Variants in BRCA2 observed in about 807,000 individuals in gnomAD.
BRCA2 encodes breast cancer type 2 susceptibility protein.
Under a neutral mutation model 276.7 loss-of-function variants are expected in BRCA2, and 203 were observed. The ratio of observed to expected loss-of-function variants is 0.73; its 90% CI spans 0.65 to 0.82. BRCA2 has a LOEUF of 0.82. BRCA2 is among the 40% of genes least tolerant of loss of function. The pLI is 0.00. For synonymous variants in BRCA2, 1,289 were observed against 1,338.4 expected, an observed-to-expected ratio of 0.96 and a Z score of 0.81; for missense variants, 3,920 against 3,915.0, an observed-to-expected ratio of 1.00 and a Z score of -0.03.
chr13:32,348,306 C>A (rs961240584), intron 13 of BRCA2, among the ~76,000 whole-genome samples: 17 of 141,600 alleles, frequency 1.2e-4, no homozygotes, highest in South Asian at 2.6e-4. Flanking sequence ...AAAAGTTCTA[C>A]TAGTACTGAA....
rs190385846 is a variant in BRCA2 at position 32,378,036 on chromosome 13, G to A, written c.8754+1245G>A. On this transcript the variant is annotated intron_variant, in intron 21 of 26. Coordinates refer to ENST00000380152, the MANE Select transcript of BRCA2 (RefSeq NM_000059.4). ...TTTAAAACCTGTGAGTATACTTGCTGCAGGTCTGAAAATGAAGGCTTTATG... is the reference window on the plus strand; with the variant it reads ...TTTAAAACCTGTGAGTATACTTGCTACAGGTCTGAAAATGAAGGCTTTATG... Among the ~76,000 whole-genome samples, 5 of 152,318 alleles carry A rather than the reference G, an allele frequency of 3.3e-5. No homozygotes were observed. In the East Asian group the frequency reaches 9.6e-4, roughly 29 times the overall value.
At chr13:32,364,557 G>A (rs547844143) in intron 18 of BRCA2, among the ~76,000 whole-genome samples, 17 of 151,982 alleles carry the variant, frequency 1.1e-4, no homozygotes, top group African/African-American at 3.9e-4. Context: ...AGTGAAATCT[G>A]TATTCAGTGT....
rs1060504598 is a variant in BRCA2 at position 32,339,965 on chromosome 13, C to G, written c.5610C>G (p.Phe1870Leu). The change falls in exon 11 of 27, where the codon TTC becomes TTG. Residue 1870 changes from phenylalanine to leucine, a missense_variant. By Grantham distance (22) the Phe-to-Leu change is conservative. Transcript: ENST00000380152. Reference protein sequence around the residue: ...KKVKDIFTDSFSKVIKENNEN... With the variant: ...KKVKDIFTDSLSKVIKENNEN... The stretch of plus-strand genomic sequence containing the variant: ...TGAAAGACATATTTACAGACAGTTT[C>G]AGTAAAGTAATTAAGGAAAACAACG... 1.9e-6 allele frequency: 3 copies of G among 1,610,396 alleles called. No homozygotes were observed. The highest frequency in any genetic ancestry group is 2.5e-6 in the Non-Finnish European group (3 of 1,178,694).
chr13:32,394,694 G>T lies in BRCA2; in HGVS notation c.9262G>T (p.Ala3088Ser), dbSNP rs730881569. Reference protein sequence around the residue: ...VVSVVKKTGLAPFVYLSDECY... With the variant: ...VVSVVKKTGLSPFVYLSDECY... ...TTCTTTTTTTTCCATTCTAGGACTT[G>T]CCCCTTTCGTCTATTTGTCAGACGA... Residue 3088 changes from alanine to serine, a missense_variant, in exon 25 of 27, where the codon GCC becomes TCC. Around this residue, in one of 2 missense-constraint regions of BRCA2, gnomAD observed 657 missense variants for 758.2 expected, o/e 0.87. Coordinates refer to ENST00000380152, the MANE Select transcript of BRCA2 (RefSeq NM_000059.4). The T allele has an allele frequency of 1.2e-6, 2 of 1,612,820 alleles. No individual in the cohort carries two copies. Among genetic ancestry groups the T allele is most frequent in the South Asian group, 1.1e-5 (1 of 90,910 alleles).
At chr13:32,353,432 G>A (rs1395455574) in intron 13 of BRCA2, among the ~76,000 whole-genome samples, 2 of 151,720 alleles carry the variant, frequency 1.3e-5, no homozygotes, top group Non-Finnish European at 2.9e-5. Flanking sequence ...TCTTTACTCA[G>A]AACTATTCCG....
intron 16 of BRCA2, among the ~76,000 whole-genome samples, chr13:32,362,165 G>A (rs1216608538): frequency 6.6e-6 from 1 of 152,056 alleles, no homozygotes; most frequent in African/African-American, 2.4e-5. Flanking sequence ...TGGGACCACA[G>A]ATGTGAGCTA....
chr13:32,372,676 A>G (rs908531150), intron 20 of BRCA2, among the ~76,000 whole-genome samples: 39 of 152,134 alleles, frequency 2.6e-4, no homozygotes, highest in African/African-American at 8.9e-4. Flanking sequence ...GAGCCAAACC[A>G]TATCATTCTG....
Position 32,398,496 on chromosome 13 carries a change from T to G in BRCA2, c.9983T>G (p.Phe3328Cys), listed in dbSNP as rs770826575. 1.2e-6 allele frequency: 2 copies of G among 1,614,022 alleles called. No individual in the cohort carries two copies. The highest frequency in any genetic ancestry group is 2.2e-5 in the East Asian group (1 of 44,906). The change falls in exon 27 of 27, where the codon TTC (phenylalanine) becomes TGC (cysteine). Residue 3328 changes from phenylalanine to cysteine, a missense_variant. Coordinates refer to ENST00000380152, the MANE Select transcript of BRCA2 (RefSeq NM_000059.4). ...CCTCAGATGACTCCATTTAAAAAAT[T>G]CAATGAAATTTCTCTTTTGGAAAGT... ...NSPQMTPFKK[F>C]NEISLLESNS...
intron 13 of BRCA2, among the ~76,000 whole-genome samples, chr13:32,351,908 T>C (rs974587682): frequency 6.6e-6 from 1 of 152,166 alleles, no homozygotes; most frequent in Non-Finnish European, 1.5e-5. Context: ...TTCAAGCGAC[T>C]CTCCTGCTTC....
rs2137673661 is a variant in BRCA2, at chr13:32,400,243, CA to C, written c.*1475del. ...ATCTAATTATAAATACGTTTAAAGC[CA>C]AGAATAAATCTTTTAAAAAATTGAC... On this transcript the variant is annotated 3_prime_UTR_variant, in exon 27 of 27. Coordinates refer to ENST00000380152, the MANE Select transcript of BRCA2 (RefSeq NM_000059.4). The C allele has an allele frequency of 6.6e-6, 1 of 152,158 alleles. No individual in the cohort carries two copies. Among genetic ancestry groups the C allele is most frequent in the East Asian group, 1.9e-4 (1 of 5,176 alleles). 9.4% of individuals were successfully genotyped at this position (152,158 alleles called of 1,614,324 possible).
chr13:32,327,692 G>A (rs928390366), intron 7 of BRCA2, among the ~76,000 whole-genome samples: 3 of 150,078 alleles, frequency 2.0e-5, no homozygotes, highest in Admixed American at 6.6e-5. Flanking sequence ...AAAAAATCCT[G>A]TTATAAAACT....
At chr13:32,331,146 C>A in intron 9 of BRCA2, 116 bp downstream of exon 9, 1 of 734,974 alleles carries the variant, frequency 1.4e-6, no homozygotes, top group Non-Finnish European at 2.4e-6. Context: ...GCAACCTCTG[C>A]CTCCCGTGCT....
rs397507417 is a variant in BRCA2, at chr13:32,379,815, A to G, written c.9019A>G (p.Arg3007Gly). 3 of 1,612,614 alleles carry G rather than the reference A, an allele frequency of 1.9e-6. No individual in the cohort carries two copies. The highest frequency in any genetic ancestry group is 2.5e-6 in the Non-Finnish European group (3 of 1,178,628). ...TCTGTTAACAGAAGGAAAGAGATAC[A>G]GAATTTATCATCTTGCAACTTCAAA... ...YSLLTEGKRY[R>G]IYHLATSKSK... is the part of the protein sequence containing the mutation. The change falls in exon 23 of 27, where the codon AGA (arginine) becomes GGA (glycine). Residue 3007 changes from arginine to glycine, a missense_variant. Arg to Gly is a moderately radical substitution (Grantham distance 125). Coordinates refer to ENST00000380152, the MANE Select transcript of BRCA2 (RefSeq NM_000059.4).
At chr13:32,382,940 A>G (rs1593194816) in intron 24 of BRCA2, among the ~76,000 whole-genome samples, 1 of 152,214 alleles carries the variant, frequency 6.6e-6, no homozygotes, top group Non-Finnish European at 1.5e-5. Context: ...ACAGGAAAAA[A>G]GTAAAGTACG....
chr13:32,390,593 A>G (rs1439078956), intron 24 of BRCA2, among the ~76,000 whole-genome samples: 2 of 152,014 alleles, frequency 1.3e-5, no homozygotes, highest in South Asian at 2.1e-4. Context: ...AATTTGTCCT[A>G]TTCATTATTC....
rs876658912 is a variant in BRCA2 at position 32,326,111 on chromosome 13, C to T, written c.436C>T (p.Leu146=). 2 of 1,609,578 alleles carry T rather than the reference C, an allele frequency of 1.2e-6. No homozygotes were observed. Among genetic ancestry groups the T allele is most frequent in the Non-Finnish European group, 1.7e-6 (2 of 1,178,030 alleles). Residue 146 remains leucine (L), a synonymous_variant, in exon 5 of 27, where the codon CTA becomes TTA. Coordinates refer to ENST00000380152, the MANE Select transcript of BRCA2 (RefSeq NM_000059.4). The stretch of plus-strand genomic sequence containing the variant: ...TTTGTTTTATTTTAGTCCTGTTGTT[C>T]TACAATGTACACATGTAACACCACA... ...NSCLSESPVV[L]QCTHVTPQRD... is the part of the protein sequence containing the mutation.
At chr13:32,366,295 G>A (rs963421454) in intron 18 of BRCA2, among the ~76,000 whole-genome samples, 3 of 152,256 alleles carry the variant, frequency 2.0e-5, no homozygotes, top group Admixed American at 2.0e-4. Context: ...TAATCATATT[G>A]CTGGTGGTAG....
At position 32,338,837 on chromosome 13, in the gene BRCA2, T is replaced by C. The variant is rs761826517; in HGVS notation, c.4482T>C (p.Ser1494=). The C allele has an allele frequency of 1.9e-6, 3 of 1,613,734 alleles. No individual in the cohort carries two copies. Among genetic ancestry groups the C allele is most frequent in the East Asian group, 4.5e-5 (2 of 44,858 alleles). The change falls in exon 11 of 27, where the codon AGT becomes AGC. Residue 1494 remains serine, a synonymous_variant. Transcript: ENST00000380152. ...TTAAACACAAAATACTGAAAGAAAG[T>C]GTCCCAGTTGGTACTGGAAATCAAC... The part of the protein sequence containing the change: ...DIVKHKILKE[S]VPVGTGNQLV...
intron 10 of BRCA2, among the ~76,000 whole-genome samples, chr13:32,333,759 C>G (rs2072428518): frequency 6.6e-6 from 1 of 152,108 alleles, no homozygotes; most frequent in African/African-American, 2.4e-5. Flanking sequence ...CTGGTGCTCT[C>G]CTTCCCCCCA....
Sources: allele counts gnomAD v4.1 joint callset (sites outside exome capture counted in the v4.1 genomes callset), GRCh38; gene constraint gnomAD v4.1.1; regional missense constraint gnomAD v4.1.1; transcripts MANE v1.5; gene names NCBI Gene and HGNC (gene_info 2026-07-23, HGNC 2026-07-21).